Variants in CDHR5 observed in about 807,000 individuals in gnomAD.
The protein encoded by CDHR5 is cadherin related family member 5.
In CDHR5, 82 loss-of-function variants were observed where a neutral mutation model predicts 69.5. The observed-to-expected ratio is 1.18, with a 90% CI of 0.99 to 1.42. The LOEUF is 1.42. Ranked by LOEUF, CDHR5 falls within the 40% of genes most tolerant of loss-of-function variation. CDHR5 has a pLI of 0.00. For synonymous variants in CDHR5, 601 were observed against 510.2 expected (o/e 1.18, Z -2.40); for missense variants, 1,293 against 1,168.9 (o/e 1.11, Z -1.55).
At chr11:619,442 C>A in intron 11 of CDHR5, 32 bp downstream of exon 11, 1 of 1,606,732 alleles carries the variant, frequency 6.2e-7, no homozygotes, top group South Asian at 1.1e-5. Flanking sequence ...AGCCCCACAC[C>A]CTTGGAGATG....
chr11:619,680 C>T lies in CDHR5; in HGVS notation c.1179+1G>A. 6.2e-7 allele frequency: 1 copy of T among 1,613,280 alleles called. No individual in the cohort carries two copies. The highest frequency in any genetic ancestry group is 8.5e-7 in the Non-Finnish European group (1 of 1,179,858). Reference sequence around the variant, plus strand: ...GGGGAGGCCTTGGATGCACTCTCTACCGAGAACTCCGGGTCCTGAGCCTGG... The same window carrying T: ...GGGGAGGCCTTGGATGCACTCTCTATCGAGAACTCCGGGTCCTGAGCCTGG... On this transcript the variant is annotated splice_donor_variant, in intron 10 of 14. Transcript: ENST00000397542. LOFTEE classifies it high-confidence loss of function.
In CDHR5 at chr11:619,789, T is replaced by G. The variant is rs2246614; in HGVS notation, c.1071A>C (p.Arg357Ser). Residue 357 changes from arginine (R) to serine (S), a missense_variant, in exon 10 of 15, where the codon AGA (arginine) becomes AGC (serine). Arg to Ser is a moderately radical substitution (Grantham distance 110). Coordinates refer to ENST00000397542, the MANE Select transcript of CDHR5 (RefSeq NM_021924.5). ...AAGSPPRFPQ[R>S]LYRGTVARGA... ...CACGCGCCACGGTGCCACGATACAG[T>G]CTCTGGGGGAAGCGGGGCGGGCTCC... 1,016,047 of 1,606,594 alleles carry G rather than the reference T, an allele frequency of 0.63. 324,052 individuals are homozygous for G. Among genetic ancestry groups the G allele is most frequent in the East Asian group, 0.74 (33,124 of 44,742 alleles).
chr11:621,266 G>C lies in CDHR5; in HGVS notation c.619-16C>G, dbSNP rs1678320851. 1.9e-6 allele frequency: 3 copies of C among 1,606,114 alleles called. No individual in the cohort carries two copies. In the South Asian group the frequency reaches 3.3e-5, roughly 18 times the overall value. Reference sequence around the variant, plus strand: ...CCGGAGTGTCCTGCAACAGACGGCTGTGCTGGATCAGGCCTGGGAGCAGCT... The same window carrying C: ...CCGGAGTGTCCTGCAACAGACGGCTCTGCTGGATCAGGCCTGGGAGCAGCT... On this transcript the variant is annotated splice_polypyrimidine_tract_variant and intron_variant, in intron 6 of 14. Transcript: ENST00000397542. This position sits in a 1 kb window ranked among gnomAD's most constrained non-coding sequence, Gnocchi z 4.4.
chr11:621,631 C>T lies in CDHR5; in HGVS notation c.438G>A (p.Glu146=), dbSNP rs1254722528. The T allele has an allele frequency of 6.2e-7, 1 of 1,613,682 alleles. No individual in the cohort carries two copies. Among genetic ancestry groups the T allele is most frequent in the Non-Finnish European group, 8.5e-7 (1 of 1,179,842 alleles). ...DTKVNSTVIP[E]TQLQAEDRDK... ...CGCGGTCCTCAGCCTGCAGTTGCGT[C>T]TCGGGGATGACGGTGGAGTTCACTT... Residue 146 remains glutamate (E), a synonymous_variant, in exon 5 of 15, where the codon GAG becomes GAA. Coordinates refer to ENST00000397542, the MANE Select transcript of CDHR5 (RefSeq NM_021924.5). The surrounding 1 kb of genome is among the most constrained non-coding windows in gnomAD (Gnocchi z 4.4).
At chr11:618,284 C>T (rs1201629234) in intron 13 of CDHR5, among the ~76,000 whole-genome samples, 173 bp from the exon 14 acceptor site, 2 of 152,210 alleles carry the variant, frequency 1.3e-5, no homozygotes, top group African/African-American at 4.8e-5. Context: ...CCCATCGAGA[C>T]CCTGCCCACC....
At chr11:620,009 C>G (rs993233400) in intron 9 of CDHR5, 58 bp downstream of exon 9, 3 of 1,338,238 alleles carry the variant, frequency 2.2e-6, no homozygotes, top group Admixed American at 4.5e-5. Context: ...CCTGACCCCC[C>G]GCCCTACCTT....
In CDHR5 at chr11:621,657, T is replaced by A; in HGVS notation, c.412A>T (p.Lys138Ter). The A allele has an allele frequency of 6.2e-7, 1 of 1,612,576 alleles. No homozygotes were observed. Among genetic ancestry groups the A allele is most frequent in the Non-Finnish European group, 8.5e-7 (1 of 1,178,788 alleles). The stretch of plus-strand genomic sequence containing the variant: ...TCGGGGATGACGGTGGAGTTCACTT[T>A]CGTGTCCTGGGGAGGGAGAGGGGCT... ...TKEIRVEEDT[K>*]VNSTVIPETQ... Residue 138 changes from lysine (K) to a stop codon, truncating the protein, a stop_gained, in exon 5 of 15, where the codon AAA (lysine) becomes TAA (stop). Coordinates refer to ENST00000397542, the MANE Select transcript of CDHR5 (RefSeq NM_021924.5). LOFTEE classifies it high-confidence loss of function. The surrounding 1 kb of genome is among the most constrained non-coding windows in gnomAD (Gnocchi z 4.4).
chr11:624,273 T>C lies in CDHR5; in HGVS notation c.262-10A>G, dbSNP rs754576164. On this transcript the variant is annotated splice_polypyrimidine_tract_variant and intron_variant, in intron 2 of 14. Transcript: ENST00000397542. This position sits in a 1 kb window ranked among gnomAD's most constrained non-coding sequence, Gnocchi z 5.3. The stretch of plus-strand genomic sequence containing the variant: ...CAAGCAGTGACTTCTCCTGTGGATG[T>C]AGACAGGTCTGCAGTCACCGTCCTG... The C allele has an allele frequency of 4.7e-5, 36 of 766,114 alleles. No individual in the cohort carries two copies. The highest frequency in any genetic ancestry group is 8.0e-5 in the Non-Finnish European group (33 of 411,660). 47.5% of individuals were successfully genotyped at this position (766,114 alleles called of 1,614,324 possible).
At position 624,737 on chromosome 11, in the gene CDHR5, A is replaced by G. The variant is rs762977558; in HGVS notation, c.86-5T>C. On this transcript the variant is annotated splice_polypyrimidine_tract_variant and splice_region_variant and intron_variant, in intron 1 of 14. Coordinates refer to ENST00000397542, the MANE Select transcript of CDHR5 (RefSeq NM_021924.5). This position sits in a 1 kb window ranked among gnomAD's most constrained non-coding sequence, Gnocchi z 5.3. ...TGTCCTTGTTCACAGAGCAGTCTGT[A>G]AGGTTGCAGAGGAGGGATCAGTGCC... is the stretch of plus-strand genomic sequence containing the variant. 46 of 1,605,018 alleles carry G rather than the reference A, an allele frequency of 2.9e-5. No individual in the cohort carries two copies. The highest frequency in any genetic ancestry group is 3.3e-4 in the Middle Eastern group (2 of 6,042).
At chr11:620,211 G>A in intron 8 of CDHR5, 47 bp from the exon 9 acceptor site, 1 of 1,593,258 alleles carries the variant, frequency 6.3e-7, no homozygotes, top group Non-Finnish European at 8.6e-7. Context: ...TGAGGCCCAG[G>A]GACCCAGCCA....
intron 9 of CDHR5, 26 bp downstream of exon 9, chr11:620,041 G>A (rs1589938393): frequency 2.0e-6 from 3 of 1,510,888 alleles, no homozygotes; most frequent in East Asian, 4.7e-5. Flanking sequence ...CCTCTGCCCT[G>A]CCCCCCATGC....
In CDHR5 at chr11:619,732, T is replaced by C. The variant is rs1024093630; in HGVS notation, c.1128A>G (p.Ala376=). The change falls in exon 10 of 15, where the codon GCA becomes GCG. Residue 376 remains alanine (A), a synonymous_variant. Transcript: ENST00000397542. ...GAGAGVVVKD[A]AAPSQPLRIQ... ...TCCTCAGAGGCTGAGAAGGGGCAGC[T>C]GCATCCTTGACCACAACGCCCGCTC... The C allele has an allele frequency of 1.2e-6, 2 of 1,612,646 alleles. No individual in the cohort carries two copies. The highest frequency in any genetic ancestry group is 1.7e-6 in the Non-Finnish European group (2 of 1,179,998).
chr11:619,154 C>T lies in CDHR5; in HGVS notation c.1405G>A (p.Gly469Arg). Residue 469 changes from glycine to arginine, a missense_variant, in exon 13 of 15, where the codon GGA becomes AGA. By Grantham distance (125) the Gly-to-Arg change is moderately radical. Transcript: ENST00000397542. Reference protein sequence around the residue: ...TDVPPSPEAGGTTGPWTSTTS... With the variant: ...TDVPPSPEAGRTTGPWTSTTS... ...GTGCTGGTCCAGGGCCCAGTTGTTC[C>T]TCCAGCCTCTGGGGATGGGGGGACA... 6.4e-7 allele frequency: 1 copy of T among 1,559,734 alleles called. No homozygotes were observed. Among genetic ancestry groups the T allele is most frequent in the East Asian group, 2.3e-5 (1 of 44,126 alleles).
intron 3 of CDHR5, among the ~76,000 whole-genome samples, chr11:623,884 G>A (rs1857559741): frequency 6.6e-6 from 1 of 152,102 alleles, no homozygotes; most frequent in African/African-American, 2.4e-5. Context: ...GTGGGGGGCT[G>A]TGGGGGACAC....
Position 617,316 on chromosome 11 carries a change from G to A in CDHR5, c.*35C>T, listed in dbSNP as rs201367043. On this transcript the variant is annotated 3_prime_UTR_variant, in exon 15 of 15. Coordinates refer to ENST00000397542, the MANE Select transcript of CDHR5 (RefSeq NM_021924.5). ...AGGCTGGGGGAGCGAGACCTCCAGT[G>A]CCCGTGCGGCTGGGGGAGAGGGTGG... The A allele has an allele frequency of 5.3e-6, 8 of 1,499,318 alleles. No homozygotes were observed. In the East Asian group the frequency reaches 1.1e-4, roughly 21 times the overall value. 92.9% of individuals were successfully genotyped at this position (1,499,318 alleles called of 1,614,324 possible).
Position 616,878 on chromosome 11 carries a change from C to G in CDHR5, c.*473G>C. On this transcript the variant is annotated 3_prime_UTR_variant, in exon 15 of 15. Coordinates refer to ENST00000397542, the MANE Select transcript of CDHR5 (RefSeq NM_021924.5). ...GACCCCCGGCAGGTGTTTGAGACCA[C>G]CGGCTCCCAAGTGCGTCGCCTTGGG... 5.6e-6 allele frequency: 1 copy of G among 179,940 alleles called. No individual in the cohort carries two copies. Among genetic ancestry groups the G allele is most frequent in the Non-Finnish European group, 1.2e-5 (1 of 83,528 alleles). 11.1% of individuals were successfully genotyped at this position (179,940 alleles called of 1,614,324 possible).
chr11:616,967 G>T lies in CDHR5; in HGVS notation c.*384C>A. ...GTGTAGGGTCGGGAGCGGGAGGTCT[G>T]AGATGAGCCGGGTGCCTGAGATCTC... is the stretch of plus-strand genomic sequence containing the variant. On this transcript the variant is annotated 3_prime_UTR_variant, in exon 15 of 15. Transcript: ENST00000397542. 3 of 244,546 alleles carry T rather than the reference G, an allele frequency of 1.2e-5. No homozygotes were observed. The highest frequency in any genetic ancestry group is 1.7e-4 in the South Asian group (2 of 11,974). 15.1% of individuals were successfully genotyped at this position (244,546 alleles called of 1,614,324 possible). A position where few individuals can be genotyped will look rare whatever the true frequency, so the allele number is the denominator to read the frequency against.
chr11:617,905 C>T, intron 14 of CDHR5, 49 bp downstream of exon 14: 2 of 1,587,396 alleles, frequency 1.3e-6, no homozygotes, highest in Non-Finnish European at 1.7e-6. Flanking sequence ...GTCCCCCGTC[C>T]CCCACTTCCT....
Position 621,110 on chromosome 11 carries a change from G to C in CDHR5, c.759C>G (p.Tyr253Ter), listed in dbSNP as rs1363940239. Reference protein sequence around the residue: ...SDGYVCIQAQYHGAVPTGHIL... With the variant: ...SDGYVCIQAQ Reference sequence around the variant, plus strand: ...TGTGCCCCGTGGGGACAGCCCCGTGGTACTGAGCTTGAATGCAGACGTAGC... The same window carrying C: ...TGTGCCCCGTGGGGACAGCCCCGTGCTACTGAGCTTGAATGCAGACGTAGC... Residue 253 changes from tyrosine (Y) to a stop codon, truncating the protein, a stop_gained, in exon 7 of 15, where the codon TAC becomes TAG. Transcript: ENST00000397542. LOFTEE classifies it high-confidence loss of function. This position sits in a 1 kb window ranked among gnomAD's most constrained non-coding sequence, Gnocchi z 4.4. 2 of 1,572,542 alleles carry C rather than the reference G, an allele frequency of 1.3e-6. No homozygotes were observed. The highest frequency in any genetic ancestry group is 2.2e-5 in the East Asian group (1 of 44,568).
Sources: gnomAD v4.1 joint callset for allele counts (sites outside exome capture counted in the v4.1 genomes callset) on GRCh38, gnomAD v4.1.1 for gene constraint, Gnocchi (gnomAD v3.1) non-coding constraint, MANE v1.5 for transcripts, NCBI Gene and HGNC (gene_info 2026-07-23, HGNC 2026-07-21) for gene names.